Variants in SH2D7 observed in about 807,000 individuals in gnomAD.
The protein encoded by SH2D7 is SH2 domain containing 7, also known as SH2 domain-containing protein 7.
SH2D7 carries 32 observed loss-of-function variants against 40.8 expected under a neutral mutation model. That is an observed-to-expected ratio of 0.78 (90% CI 0.59 to 1.05). SH2D7 has a LOEUF of 1.05. Ranked by LOEUF, SH2D7 falls within the 50% of genes least tolerant of loss-of-function variation. SH2D7 has a pLI of 0.00. For synonymous variants in SH2D7, 195 were observed against 221.5 expected (o/e 0.88, Z 1.06); for missense variants, 559 against 566.6 (o/e 0.99, Z 0.14).
At chr15:78,099,647 A>G (rs1466877207) in intron 4 of SH2D7, among the ~76,000 whole-genome samples, 1 of 151,974 alleles carries the variant, frequency 6.6e-6, no homozygotes, top group Non-Finnish European at 1.5e-5. Context: ...TCTTTATATC[A>G]GATCACAGCA....
At position 78,103,458 on chromosome 15, in the gene SH2D7, C is replaced by A. The variant is rs1394727999; in HGVS notation, c.1306-7C>A. 7.7e-6 allele frequency: 12 copies of A among 1,557,382 alleles called. No individual in the cohort carries two copies. Among genetic ancestry groups the A allele is most frequent in the Non-Finnish European group, 1.0e-5 (12 of 1,149,892 alleles). The stretch of plus-strand genomic sequence containing the variant: ...CCCAGGCCCCAGTATCTCCTCCTTC[C>A]TTGCAGCCTGACAAGCTTCGGAGGC... On this transcript the variant is annotated splice_polypyrimidine_tract_variant and splice_region_variant and intron_variant, in intron 5 of 5. Transcript: ENST00000328828.
chr15:78,098,246 G>T, intron 3 of SH2D7, 138 bp from the exon 4 acceptor site: 1 of 1,393,140 alleles, frequency 7.2e-7, no homozygotes, highest in South Asian at 1.4e-5. Context: ...TTGGAAAAAG[G>T]GAGACTGTGG....
At chr15:78,094,472 C>A (rs2073958306) in intron 2 of SH2D7, among the ~76,000 whole-genome samples, 1 of 152,152 alleles carries the variant, frequency 6.6e-6, no homozygotes, top group Admixed American at 6.5e-5. Context: ...AGGAAGAATA[C>A]AAGTTGCTAG....
intron 2 of SH2D7, among the ~76,000 whole-genome samples, 160 bp from the exon 3 acceptor site, chr15:78,097,769 C>T (rs2073982268): frequency 6.6e-6 from 1 of 152,090 alleles, no homozygotes; most frequent in Non-Finnish European, 1.5e-5. Context: ...ATGAACACAC[C>T]ATGGCTCCAA....
At position 78,103,547 on chromosome 15, in the gene SH2D7, T is replaced by C; in HGVS notation, c.*32T>C. On this transcript the variant is annotated 3_prime_UTR_variant, in exon 6 of 6. Transcript: ENST00000328828. ...GGCATCCGGCAGCCCACCAGTGGGT[T>C]TCCTGGTACCCAGGCCATGCCAGGG... is the stretch of plus-strand genomic sequence containing the variant. 1 of 1,555,754 alleles carries C rather than the reference T, an allele frequency of 6.4e-7. No homozygotes were observed. The highest frequency in any genetic ancestry group is 8.7e-7 in the Non-Finnish European group (1 of 1,149,084).
chr15:78,099,757 G>A (rs2074000046), intron 4 of SH2D7, among the ~76,000 whole-genome samples: 1 of 151,934 alleles, frequency 6.6e-6, no homozygotes. Context: ...CTTCTTCACT[G>A]GAGGCTTCAG....
chr15:78,097,840 A>C, intron 2 of SH2D7, 89 bp from the exon 3 acceptor site: 2 of 1,517,842 alleles, frequency 1.3e-6, no homozygotes, highest in Non-Finnish European at 1.8e-6. Context: ...GGGACCCCTC[A>C]CCTGCACCCA....
chr15:78,102,621 C>T (rs1257267529), intron 5 of SH2D7, among the ~76,000 whole-genome samples: 1 of 152,052 alleles, frequency 6.6e-6, no homozygotes, highest in East Asian at 1.9e-4. Flanking sequence ...CTTCCAGGAC[C>T]TTCTAAGGGC....
chr15:78,092,036 TG>T (rs1365011064), upstream of SH2D7, among the ~76,000 whole-genome samples: 3 of 152,266 alleles, frequency 2.0e-5, no homozygotes, highest in African/African-American at 7.2e-5. Context: ...GTATGTGCCA[TG>T]AGGGCAAAGT....
chr15:78,093,943 CCCT>C (rs2073954689), intron 1 of SH2D7, among the ~76,000 whole-genome samples, 166 bp from the exon 2 acceptor site: 1 of 152,208 alleles, frequency 6.6e-6, no homozygotes, highest in African/African-American at 2.4e-5. Flanking sequence ...ACATGCTGAA[CCCT>C]GACAGGCCAC....
intron 4 of SH2D7, among the ~76,000 whole-genome samples, chr15:78,098,944 T>C (rs557789705): frequency 1.3e-5 from 2 of 152,266 alleles, no homozygotes; most frequent in East Asian, 3.9e-4. Context: ...TAGTAAGCTG[T>C]AGCATGGGGT....
At position 78,092,575 on chromosome 15, in the gene SH2D7, G is replaced by T. The variant is rs774588016; in HGVS notation, c.-10G>T. 4.1e-5 allele frequency: 63 copies of T among 1,544,032 alleles called. No individual in the cohort carries two copies. The highest frequency in any genetic ancestry group is 2.2e-4 in the Admixed American group (11 of 50,732). On this transcript the variant is annotated 5_prime_UTR_variant, in exon 1 of 6. Coordinates refer to ENST00000328828, the MANE Select transcript of SH2D7 (RefSeq NM_001101404.2). ...GGCTGCGCTCTGCTTCCACTCTGGT[G>T]CCTGCCAGCATGGAGGACAGCCTAA...
intron 4 of SH2D7, among the ~76,000 whole-genome samples, chr15:78,099,295 G>A (rs2073996794): frequency 6.6e-6 from 1 of 151,978 alleles, no homozygotes; most frequent in African/African-American, 2.4e-5. Flanking sequence ...TTACAGGCAT[G>A]AGCCACTGTG....
chr15:78,091,900 G>C (rs748566887), upstream of SH2D7, among the ~76,000 whole-genome samples: 1 of 152,150 alleles, frequency 6.6e-6, no homozygotes. Flanking sequence ...GGCTGACCCC[G>C]ACCCCTGACT....
chr15:78,102,082 T>C (rs114255256), intron 5 of SH2D7, among the ~76,000 whole-genome samples: 3,271 of 152,066 alleles, frequency 0.022, 110 homozygotes, highest in African/African-American at 0.075. Context: ...CAAAATCCCA[T>C]CTCTATGAAA....
At position 78,101,649 on chromosome 15, in the gene SH2D7, C is replaced by G. The variant is rs931571682; in HGVS notation, c.1305+91C>G. 1,295 of 1,387,348 alleles carry G rather than the reference C, an allele frequency of 9.3e-4. 3 individuals are homozygous for G. The highest frequency in any genetic ancestry group is 1.4e-3 in the Admixed American group (52 of 36,702). 85.9% of individuals were successfully genotyped at this position (1,387,348 alleles called of 1,614,324 possible). ...CTGAAGCCCCCAGGCATAGGCAGGT[C>G]AGGTCACCGCCACTGCCTGGAAGTA... On this transcript the variant is annotated intron_variant, in intron 5 of 5. Coordinates refer to ENST00000328828, the MANE Select transcript of SH2D7 (RefSeq NM_001101404.2).
Position 78,101,555 on chromosome 15 carries a change from C to G in SH2D7, c.1302C>G (p.His434Gln). The G allele has an allele frequency of 1.3e-6, 2 of 1,577,944 alleles. No homozygotes were observed. Among genetic ancestry groups the G allele is most frequent in the Non-Finnish European group, 1.7e-6 (2 of 1,163,200 alleles). The part of the protein sequence containing the change: ...ATKSKETGRT[H>Q]KPDKLRRLFF... ...AGAGCAAGGAGACTGGACGGACACA[C>G]AAGGTGAGCTCCATGATGGGGTGGG... is the stretch of plus-strand genomic sequence containing the variant. The change falls in exon 5 of 6, where the codon CAC becomes CAG. Residue 434 changes from histidine (H) to glutamine (Q), a missense_variant. By Grantham distance (24) the His-to-Gln change is conservative. Transcript: ENST00000328828.
In SH2D7 at chr15:78,103,565, T is replaced by C. The variant is rs2074031304; in HGVS notation, c.*50T>C. 6.5e-7 allele frequency: 1 copy of C among 1,547,746 alleles called. No individual in the cohort carries two copies. The highest frequency in any genetic ancestry group is 8.7e-7 in the Non-Finnish European group (1 of 1,143,624). On this transcript the variant is annotated 3_prime_UTR_variant, in exon 6 of 6. Transcript: ENST00000328828. Reference sequence around the variant, plus strand: ...AGTGGGTTTCCTGGTACCCAGGCCATGCCAGGGGTTATCGCAAAGGCCTCA... The same window carrying C: ...AGTGGGTTTCCTGGTACCCAGGCCACGCCAGGGGTTATCGCAAAGGCCTCA...
At chr15:78,090,610 G>T (rs2073934409), upstream of SH2D7, among the ~76,000 whole-genome samples, 1 of 142,496 alleles carries the variant, frequency 7.0e-6, no homozygotes, top group Admixed American at 7.3e-5. Context: ...CTGTATTTCA[G>T]AATCTTGCAT....
Sources: allele counts gnomAD v4.1 joint callset (sites outside exome capture counted in the v4.1 genomes callset), GRCh38; gene constraint gnomAD v4.1.1; transcripts MANE v1.5; gene names NCBI Gene and HGNC (gene_info 2026-07-23, HGNC 2026-07-21).